USP32: variants seen among roughly 807,000 people sequenced by gnomAD.
USP32 encodes the protein ubiquitin specific peptidase 32.
USP32 carries 59 observed loss-of-function variants against 204.8 expected under a neutral mutation model. The observed-to-expected ratio is 0.29, with a 90% CI of 0.23 to 0.36. The LOEUF is 0.36. Among genes scored for constraint, USP32 ranks in the 10% least tolerant of loss-of-function variants. USP32 has a pLI of 1.00. For synonymous variants in USP32, 517 were observed against 678.4 expected (o/e 0.76, Z 3.70); for missense variants, 1,160 against 1,946.4 (o/e 0.60, Z 7.60).
At chr17:60,371,763 A>G (rs1364862893) in intron 1 of USP32, among the ~76,000 whole-genome samples, 3 of 152,154 alleles carry the variant, frequency 2.0e-5, no homozygotes, top group Non-Finnish European at 2.9e-5. Context: ...TGTAAGTAAA[A>G]AGGCCACATG....
intron 19 of USP32, 126 bp from the exon 20 acceptor site, chr17:60,211,640 T>G (rs1418283647): frequency 2.9e-5 from 40 of 1,391,586 alleles, no homozygotes; most frequent in Non-Finnish European, 3.6e-5. Context: ...CTAATAATTC[T>G]CTAGCAGGTC....
chr17:60,389,403 A>C lies in USP32; in HGVS notation c.58+2479T>G, dbSNP rs1165696455. 3.7e-3 allele frequency among the ~76,000 whole-genome samples: 567 copies of C among 151,620 alleles called. 5 individuals are homozygous for C. The highest frequency in any genetic ancestry group is 0.013 in the African/African-American group (541 of 41,016). ...CTAAAAATACAAAAAATAAGCCAGGAGTGGTGGCATGCGCCTGTAGTCCCA... is the reference window on the plus strand; with the variant it reads ...CTAAAAATACAAAAAATAAGCCAGGCGTGGTGGCATGCGCCTGTAGTCCCA... On this transcript the variant is annotated intron_variant, in intron 1 of 33. Transcript: ENST00000300896.
chr17:60,298,408 A>G (rs1309702474), intron 3 of USP32, among the ~76,000 whole-genome samples: 2 of 152,186 alleles, frequency 1.3e-5, no homozygotes, highest in Non-Finnish European at 2.9e-5. Context: ...TATAGATATC[A>G]TAATTTTTTT....
At chr17:60,190,952 T>C (rs768524439) in intron 28 of USP32, among the ~76,000 whole-genome samples, 2 of 152,208 alleles carry the variant, frequency 1.3e-5, no homozygotes, top group Non-Finnish European at 2.9e-5. Flanking sequence ...ATGTGAACTT[T>C]ATGGCAAATA....
chr17:60,255,438 C>T (rs1366607891), intron 9 of USP32, among the ~76,000 whole-genome samples, 180 bp from the exon 10 acceptor site: 1 of 151,808 alleles, frequency 6.6e-6, no homozygotes, highest in South Asian at 2.1e-4. Context: ...GCTGAAATTA[C>T]AGGTGCCCGC....
At chr17:60,403,840 G>C (rs2089954823) in intron 1 of USP32, among the ~76,000 whole-genome samples, 1 of 152,102 alleles carries the variant, frequency 6.6e-6, no homozygotes, top group African/African-American at 2.4e-5. Context: ...AGGAGTTCAA[G>C]ACCAGTCTGG....
At chr17:60,364,949 T>C (rs1218650878) in intron 1 of USP32, among the ~76,000 whole-genome samples, 3 of 152,204 alleles carry the variant, frequency 2.0e-5, no homozygotes, top group South Asian at 2.1e-4. Context: ...TGGATTTACA[T>C]CTTCATCAAA....
intron 2 of USP32, among the ~76,000 whole-genome samples, chr17:60,312,452 G>T (rs1262941415): frequency 6.6e-6 from 1 of 151,734 alleles, no homozygotes; most frequent in East Asian, 1.9e-4. Flanking sequence ...TTGAGACAGG[G>T]TCTCATTCTA....
intron 1 of USP32, among the ~76,000 whole-genome samples, chr17:60,362,391 C>T (rs1339960395): frequency 1.3e-5 from 2 of 152,190 alleles, no homozygotes; most frequent in Admixed American, 1.3e-4. Context: ...GGGTTTTCCT[C>T]TACTAAGAAT....
intron 12 of USP32, 77 bp from the exon 13 acceptor site, chr17:60,226,308 CA>C (rs2085386490): frequency 7.6e-7 from 1 of 1,315,438 alleles, no homozygotes. Context: ...ACAAATCTCA[CA>C]ATTATCTATT....
intron 2 of USP32, among the ~76,000 whole-genome samples, chr17:60,342,867 C>T (rs919274187): frequency 1.3e-5 from 2 of 152,204 alleles, no homozygotes; most frequent in Non-Finnish European, 2.9e-5. Flanking sequence ...ATCCCCTAAC[C>T]CCTTGCGCTT....
At chr17:60,360,881 C>T (rs746574910) in intron 1 of USP32, among the ~76,000 whole-genome samples, 8 of 151,956 alleles carry the variant, frequency 5.3e-5, no homozygotes, top group Non-Finnish European at 1.2e-4. Flanking sequence ...ATAATCCCAG[C>T]ACTTTGGGAG....
chr17:60,242,633 A>T (rs1370809214), intron 11 of USP32, among the ~76,000 whole-genome samples: 2 of 152,096 alleles, frequency 1.3e-5, no homozygotes, highest in Non-Finnish European at 2.9e-5. Context: ...CTGATCTCAA[A>T]CTTCTGACAT....
chr17:60,255,975 T>C (rs981472402), intron 9 of USP32, among the ~76,000 whole-genome samples: 9 of 152,168 alleles, frequency 5.9e-5, no homozygotes, highest in Admixed American at 2.0e-4. Context: ...GAGAAAAACA[T>C]TGACTTGCAG....
chr17:60,366,284 A>C (rs1259420618), intron 1 of USP32, among the ~76,000 whole-genome samples: 1 of 151,730 alleles, frequency 6.6e-6, no homozygotes, highest in Non-Finnish European at 1.5e-5. Context: ...TCAGCCTCCC[A>C]AGTAGCTGGG....
intron 2 of USP32, among the ~76,000 whole-genome samples, chr17:60,333,466 G>A (rs1406806148): frequency 1.3e-5 from 2 of 152,134 alleles, no homozygotes; most frequent in Non-Finnish European, 2.9e-5. Flanking sequence ...CGGGCATGGT[G>A]GCATGCTCCT....
chr17:60,186,960 T>C (rs147802630), intron 29 of USP32, among the ~76,000 whole-genome samples: 289 of 152,152 alleles, frequency 1.9e-3, no homozygotes, highest in Non-Finnish European at 3.2e-3. Flanking sequence ...CAGTATATAT[T>C]TGTGTCCCAA....
intron 11 of USP32, among the ~76,000 whole-genome samples, chr17:60,237,607 C>T (rs1374288528): frequency 6.6e-6 from 1 of 152,126 alleles, no homozygotes; most frequent in Non-Finnish European, 1.5e-5. Flanking sequence ...TCGCCCAGAC[C>T]TTAACAACCA....
intron 12 of USP32, among the ~76,000 whole-genome samples, chr17:60,233,021 C>G (rs545433157): frequency 6.6e-6 from 1 of 152,106 alleles, no homozygotes; most frequent in Non-Finnish European, 1.5e-5. Flanking sequence ...TCTCATTGTT[C>G]ATATGTGAAA....
Sources: allele counts gnomAD v4.1 joint callset (sites outside exome capture counted in the v4.1 genomes callset), GRCh38; gene constraint gnomAD v4.1.1; transcripts MANE v1.5; gene names NCBI Gene and HGNC (gene_info 2026-07-23, HGNC 2026-07-21).